RRP12: variants seen among roughly 807,000 people sequenced by gnomAD.
The protein encoded by RRP12 is RRP12-like protein.
Under a neutral mutation model 157.3 loss-of-function variants are expected in RRP12, and 78 were observed. The ratio of observed to expected loss-of-function variants is 0.50; its 90% confidence interval spans 0.41 to 0.60. The LOEUF is 0.60. RRP12 is among the 20% of genes least tolerant of loss of function. The pLI is 0.00. For synonymous variants in RRP12, 726 were observed against 670.9 expected (o/e 1.08, Z -1.27); for missense variants, 1,521 against 1,679.9 (o/e 0.91, Z 1.65).
intron 3 of RRP12, among the ~76,000 whole-genome samples, chr10:97,395,207 T>TATATACACACACAC (rs112214269): frequency 2.7e-5 from 4 of 149,856 alleles, no homozygotes; most frequent in Non-Finnish European, 5.9e-5. Flanking sequence ...TATACACATA[T>TATATACACACACAC]ACACACACAC....
chr10:97,399,749 T>TAA (rs113947828), intron 2 of RRP12, among the ~76,000 whole-genome samples: 3 of 113,774 alleles, frequency 2.6e-5, no homozygotes, highest in South Asian at 2.8e-4. Flanking sequence ...TTAAATATAC[T>TAA]AAAAAAAAAA....
intron 33 of RRP12, among the ~76,000 whole-genome samples, 167 bp from the exon 34 acceptor site, chr10:97,357,363 G>A (rs10882905): frequency 0.25 from 37,434 of 152,104 alleles, 5,529 homozygotes; most frequent in East Asian, 0.39. Context: ...GCTTCCACAC[G>A]GCTCATGTCC....
chr10:97,371,111 T>C, intron 20 of RRP12, 30 bp from the exon 21 acceptor site: 1 of 1,607,200 alleles, frequency 6.2e-7, no homozygotes, highest in Non-Finnish European at 8.5e-7. Flanking sequence ...GAGGGAGGCC[T>C]GGGGCTCACT....
At chr10:97,388,929 A>G (rs912204628) in intron 6 of RRP12, among the ~76,000 whole-genome samples, 1 of 152,188 alleles carries the variant, frequency 6.6e-6, no homozygotes. Flanking sequence ...CATTCACTTA[A>G]TCATCCGGCA....
In RRP12 at chr10:97,369,468, G is replaced by A. The variant is rs566257344; in HGVS notation, c.2912C>T (p.Thr971Ile). ...GGCCAGGTGCGCCACGTCCATGACA[G>A]TCACTGCCACCTTGATGAAGCCCAG... ...SALGFIKVAV[T>I]VMDVAHLAKH... The change falls in exon 25 of 34, where the codon ACT (threonine) becomes ATT (isoleucine). Residue 971 changes from threonine to isoleucine, a missense_variant. Thr to Ile is a moderately conservative substitution (Grantham distance 89). Transcript: ENST00000370992. 18 of 1,612,378 alleles carry A rather than the reference G, an allele frequency of 1.1e-5. 1 individual carries two copies. In the East Asian group the frequency reaches 2.9e-4, roughly 26 times the overall value.
At chr10:97,381,611 G>T (rs1238526517) in intron 11 of RRP12, 104 bp downstream of exon 11, 16 of 1,219,592 alleles carry the variant, frequency 1.3e-5, no homozygotes, top group Middle Eastern at 2.0e-4. Flanking sequence ...TTTGAGAGCG[G>T]CCTCTCTGGG....
chr10:97,387,721 ACC>A (rs1236741446), intron 8 of RRP12, among the ~76,000 whole-genome samples: 1 of 151,674 alleles, frequency 6.6e-6, no homozygotes, highest in Non-Finnish European at 1.5e-5. Flanking sequence ...CGGGCAGATC[ACC>A]TGAGGTTGGG....
intron 24 of RRP12, 49 bp downstream of exon 24, chr10:97,370,117 AT>A: frequency 1.6e-6 from 2 of 1,284,374 alleles, no homozygotes; most frequent in Non-Finnish European, 2.2e-6. Flanking sequence ...CCTTTTGGGC[AT>A]CTTCCTAATC....
At chr10:97,386,538 A>G (rs1241224343) in intron 8 of RRP12, among the ~76,000 whole-genome samples, 1 of 152,182 alleles carries the variant, frequency 6.6e-6, no homozygotes, top group African/African-American at 2.4e-5. Flanking sequence ...CTGAAAGGAT[A>G]CCCAGAAAGT....
rs1564774830 is a variant in RRP12 at position 97,401,247 on chromosome 10, G to A, written c.-16C>T. The A allele has an allele frequency of 3.1e-6, 5 of 1,613,954 alleles. No individual in the cohort carries two copies. In the African/African-American group the frequency reaches 4.0e-5, roughly 13 times the overall value. ...AGCGACCCATGTTGACTAAGCCGTGGCGAGGAATGAGCTTAAATGACCGGC... is the reference window on the plus strand; with the variant it reads ...AGCGACCCATGTTGACTAAGCCGTGACGAGGAATGAGCTTAAATGACCGGC... On this transcript the variant is annotated 5_prime_UTR_variant, in exon 1 of 34. Coordinates refer to ENST00000370992, the MANE Select transcript of RRP12 (RefSeq NM_015179.4).
At position 97,370,176 on chromosome 10, in the gene RRP12, C is replaced by G. The variant is rs980363255; in HGVS notation, c.2788G>C (p.Glu930Gln). The change falls in exon 24 of 34, where the codon GAG (glutamate) becomes CAG (glutamine). Residue 930 changes from glutamate (E) to glutamine (Q), a missense_variant. Coordinates refer to ENST00000370992, the MANE Select transcript of RRP12 (RefSeq NM_015179.4). ...SILALTHLLF[E>Q]FKGLMGTSTV... ...GGAAATAAGCATTTACCTTTAAACT[C>G]GAAAAGGAGGTGGGTCAGGGCCAGG... 6.3e-7 allele frequency: 1 copy of G among 1,599,132 alleles called. No homozygotes were observed. Among genetic ancestry groups the G allele is most frequent in the Admixed American group, 1.7e-5 (1 of 57,256 alleles).
chr10:97,367,016 C>G, intron 26 of RRP12, 25 bp downstream of exon 26: 1 of 1,613,180 alleles, frequency 6.2e-7, no homozygotes, highest in South Asian at 1.1e-5. Flanking sequence ...CTTGCCCTAC[C>G]CCCGCCCCTG....
chr10:97,384,823 T>G (rs1844575376), intron 10 of RRP12, among the ~76,000 whole-genome samples: 1 of 139,322 alleles, frequency 7.2e-6, no homozygotes, highest in Non-Finnish European at 1.5e-5. Flanking sequence ...CTCTGCAACC[T>G]CAGCAGCTAG....
At chr10:97,400,174 G>A (rs915536202) in intron 2 of RRP12, 131 bp downstream of exon 2, 3 of 717,454 alleles carry the variant, frequency 4.2e-6, no homozygotes, top group African/African-American at 3.5e-5. Flanking sequence ...GAGACATAAA[G>A]GGGAGGAGCG....
intron 4 of RRP12, chr10:97,393,382 A>G: frequency 1.8e-6 from 1 of 555,768 alleles, no homozygotes. Context: ...TCACAGCACG[A>G]GCTCCTGAAT....
Position 97,366,230 on chromosome 10 carries a change from G to A in RRP12, c.3395C>T (p.Thr1132Met), listed in dbSNP as rs532910376. The change falls in exon 29 of 34, where the codon ACG (threonine) becomes ATG (methionine). Residue 1132 changes from threonine (T) to methionine (M), a missense_variant. Coordinates refer to ENST00000370992, the MANE Select transcript of RRP12 (RefSeq NM_015179.4). ...DPKVAQRVLA[T>M]QPGPGRGRKK... ...CCTGCCCCGGCCTGGCCCTGGCTGC[G>A]TGGCTGGGGTGTAGAGTTTGGCATG... The A allele has an allele frequency of 1.4e-5, 23 of 1,611,488 alleles. No homozygotes were observed. Among genetic ancestry groups the A allele is most frequent in the African/African-American group, 4.0e-5 (3 of 74,934 alleles).
intron 33 of RRP12, among the ~76,000 whole-genome samples, chr10:97,357,688 G>T (rs769031291): frequency 5.3e-5 from 8 of 152,210 alleles, no homozygotes; most frequent in Non-Finnish European, 1.2e-4. Context: ...GCTGGGCGTG[G>T]TGGCTCATGC....
At chr10:97,365,766 TAAAAAAAA>T (rs541108198) in intron 29 of RRP12, 11 of 171,888 alleles carry the variant, frequency 6.4e-5, no homozygotes, top group Non-Finnish European at 1.0e-4. Flanking sequence ...AAGTTTGCAT[TAAAAAAAA>T]AAAAAAAAGA....
At chr10:97,365,126 G>A (rs940336058) in intron 29 of RRP12, among the ~76,000 whole-genome samples, 2 of 152,126 alleles carry the variant, frequency 1.3e-5, no homozygotes, top group South Asian at 2.1e-4. Context: ...GAGGCTGACC[G>A]AGCGGCTGCA....
Sources: allele counts gnomAD v4.1 joint callset (sites outside exome capture counted in the v4.1 genomes callset), GRCh38; gene constraint gnomAD v4.1.1; transcripts MANE v1.5; gene names NCBI Gene and HGNC (gene_info 2026-07-23, HGNC 2026-07-21).